Variants in RFFL observed in about 807,000 individuals in gnomAD.
RFFL encodes E3 ubiquitin-protein ligase rififylin.
RFFL carries 16 observed loss-of-function variants against 40.4 expected under a neutral mutation model. The observed-to-expected ratio is 0.40, with a 90% confidence interval of 0.27 to 0.60. RFFL has a LOEUF of 0.60. Ranked by LOEUF, RFFL falls within the 20% of genes least tolerant of loss-of-function variation. The probability of loss-of-function intolerance (pLI) is 0.47; values close to 1 mark genes in which losing one functional copy is unlikely to be tolerated. For missense variants in RFFL, 367 were observed against 451.7 expected, an observed-to-expected ratio of 0.81 and a Z score of 1.70; for synonymous variants, 154 against 167.9, an observed-to-expected ratio of 0.92 and a Z score of 0.64.
intron 1 of RFFL, among the ~76,000 whole-genome samples, chr17:35,082,826 A>G (rs1362488011): frequency 1.3e-5 from 2 of 152,224 alleles, no homozygotes; most frequent in Non-Finnish European, 2.9e-5. Flanking sequence ...TGCAGATGAA[A>G]AAACTGAAGC....
Position 35,008,254 on chromosome 17 carries a change from C to G in RFFL, c.*3714G>C, listed in dbSNP as rs1321824118. 1 of 152,158 alleles carries G rather than the reference C, an allele frequency of 6.6e-6. No homozygotes were observed. The highest frequency in any genetic ancestry group is 2.4e-5 in the African/African-American group (1 of 41,394). 9.4% of individuals were successfully genotyped at this position (152,158 alleles called of 1,614,324 possible). A position where few individuals can be genotyped will look rare whatever the true frequency, so the allele number is the denominator to read the frequency against. Reference sequence around the variant, plus strand: ...GTCTTGGGATTCATCCTTTACCTACCCAGCTCTCATTCTCTTCTAGGTTGT... The same window carrying G: ...GTCTTGGGATTCATCCTTTACCTACGCAGCTCTCATTCTCTTCTAGGTTGT... On this transcript the variant is annotated 3_prime_UTR_variant, in exon 7 of 7. Coordinates refer to ENST00000394597, the MANE Select transcript of RFFL (RefSeq NM_001017368.2).
At chr17:35,052,968 C>CTT (rs1567711473) in intron 1 of RFFL, among the ~76,000 whole-genome samples, 1 of 152,134 alleles carries the variant, frequency 6.6e-6, no homozygotes, top group East Asian at 1.9e-4. Flanking sequence ...ACAACAGAAA[C>CTT]AAGGGTACTC....
At chr17:35,077,823 A>G (rs7216074) in intron 1 of RFFL, among the ~76,000 whole-genome samples, 18,871 of 152,186 alleles carry the variant, frequency 0.12, 1,251 homozygotes, top group African/African-American at 0.17. Flanking sequence ...TTCTTCTTCC[A>G]ATGTGGCCCA....
intron 1 of RFFL, among the ~76,000 whole-genome samples, chr17:35,079,168 A>C (rs2091391942): frequency 6.6e-6 from 1 of 152,084 alleles, no homozygotes; most frequent in Admixed American, 6.5e-5. Flanking sequence ...GATTACAGGC[A>C]CGCACCACCA....
chr17:35,073,878 G>A (rs1682624238), intron 1 of RFFL: 1 of 152,080 alleles, frequency 6.6e-6, no homozygotes. Flanking sequence ...GCTTTTAAGG[G>A]TGACTGGCTT....
intron 1 of RFFL, among the ~76,000 whole-genome samples, chr17:35,083,869 C>T (rs1478865931): frequency 6.6e-6 from 1 of 151,110 alleles, no homozygotes; most frequent in Non-Finnish European, 1.5e-5. Context: ...GGAGATAATG[C>T]CCCCCCCACC....
intron 1 of RFFL, among the ~76,000 whole-genome samples, chr17:35,034,759 C>T (rs887143017): frequency 1.3e-5 from 2 of 152,116 alleles, no homozygotes; most frequent in East Asian, 1.9e-4. Context: ...CTCCTGACCT[C>T]AGGTGATCCA....
At chr17:35,060,813 T>C (rs775231634) in intron 1 of RFFL, among the ~76,000 whole-genome samples, 1 of 152,152 alleles carries the variant, frequency 6.6e-6, no homozygotes, top group Non-Finnish European at 1.5e-5. Flanking sequence ...CCACTCTCTC[T>C]GATGGTGCCA....
chr17:35,025,407 T>A (rs966888190), intron 2 of RFFL: 3 of 152,200 alleles, frequency 2.0e-5, no homozygotes, highest in Non-Finnish European at 4.4e-5. Context: ...ATTTAACACA[T>A]TCAATGTTCT....
At chr17:35,019,082 T>C (rs531148906) in intron 3 of RFFL, 28 of 152,372 alleles carry the variant, frequency 1.8e-4, no homozygotes, top group Admixed American at 1.4e-3. Flanking sequence ...AGAACTCTGG[T>C]TGAGCAAGTA....
intron 1 of RFFL, among the ~76,000 whole-genome samples, chr17:35,083,876 C>G (rs566593584): frequency 2.6e-5 from 4 of 152,090 alleles, no homozygotes; most frequent in Admixed American, 6.5e-5. Context: ...ATGCCCCCCC[C>G]ACCCTGAAAA....
intron 1 of RFFL, among the ~76,000 whole-genome samples, chr17:35,086,168 C>T (rs555403609): frequency 3.0e-4 from 46 of 152,186 alleles, no homozygotes; most frequent in Non-Finnish European, 5.7e-4. Flanking sequence ...ACGAAAGACC[C>T]GGGAGTCTGT....
At chr17:35,039,802 C>T (rs542159479) in intron 1 of RFFL, among the ~76,000 whole-genome samples, 162 of 152,116 alleles carry the variant, frequency 1.1e-3, no homozygotes, top group Non-Finnish European at 1.9e-3. Flanking sequence ...CTCAGCCTCC[C>T]GAGTATCTGG....
intron 1 of RFFL, among the ~76,000 whole-genome samples, chr17:35,056,343 T>C (rs1222497440): frequency 6.6e-6 from 1 of 151,700 alleles, no homozygotes; most frequent in Non-Finnish European, 1.5e-5. Context: ...CTCTTCCTTC[T>C]TCCTTTCCTT....
At chr17:35,047,680 T>C (rs1415819924) in intron 1 of RFFL, among the ~76,000 whole-genome samples, 2 of 151,940 alleles carry the variant, frequency 1.3e-5, no homozygotes, top group Admixed American at 1.3e-4. Context: ...TTCTGCCTCC[T>C]GGGCTCAAGT....
rs1023985681 is a variant in RFFL at position 35,017,448 on chromosome 17, G to A, written c.675+75C>T. The A allele has an allele frequency of 1.1e-5, 10 of 910,998 alleles. No homozygotes were observed. In the Admixed American group the frequency reaches 1.8e-4, roughly 16 times the overall value. 56.4% of individuals were successfully genotyped at this position (910,998 alleles called of 1,614,324 possible). A position where few individuals can be genotyped will look rare whatever the true frequency, so the allele number is the denominator to read the frequency against. ...TCACACATTTATTCTCTCTCCACTC[G>A]ACTCTGCTAAGAGGTTCCGAAGAAC... On this transcript the variant is annotated intron_variant, in intron 4 of 6. Coordinates refer to ENST00000394597, the MANE Select transcript of RFFL (RefSeq NM_001017368.2).
intron 1 of RFFL, among the ~76,000 whole-genome samples, chr17:35,029,340 G>GTTTT (rs751041700): frequency 1.6e-5 from 2 of 128,010 alleles, no homozygotes; most frequent in African/African-American, 2.9e-5. Context: ...ATATTTTGTA[G>GTTTT]TTTTTTTTTT....
chr17:35,071,474 T>C (rs185351611), intron 1 of RFFL, among the ~76,000 whole-genome samples: 304 of 151,732 alleles, frequency 2.0e-3, no homozygotes, highest in Middle Eastern at 0.01. Flanking sequence ...AAAATTTGTC[T>C]GGTAGTGGTG....
rs1408490880 is a variant in RFFL, at chr17:35,026,481, T to C, written c.73A>G (p.Arg25Gly). The C allele has an allele frequency of 7.4e-6, 12 of 1,612,604 alleles. No individual in the cohort carries two copies. Among genetic ancestry groups the C allele is most frequent in the African/African-American group, 1.3e-5 (1 of 74,864 alleles). Residue 25 changes from arginine (R) to glycine (G), a missense_variant, in exon 2 of 7, where the codon AGG becomes GGG. Coordinates refer to ENST00000394597, the MANE Select transcript of RFFL (RefSeq NM_001017368.2). ...CCAGGGTTGGAATAGGCCTGCATCC[T>C]GGCTCCCTGGGGTGGTGGGACCTCC... is the stretch of plus-strand genomic sequence containing the variant. ...PEEVPPPQGA[R>G]MQAYSNPGYS...
Sources: gnomAD v4.1 joint callset for allele counts (sites outside exome capture counted in the v4.1 genomes callset) on GRCh38, gnomAD v4.1.1 for gene constraint, MANE v1.5 for transcripts, NCBI Gene and HGNC (gene_info 2026-07-23, HGNC 2026-07-21) for gene names.